The following RBFOX1 variants were observed in gnomAD, a reference collection of about 807,000 sequenced individuals.
RBFOX1 encodes the protein RNA binding fox-1 homolog 1.
A neutral mutation model predicts 57.7 loss-of-function variants in RBFOX1; 8 were observed. The ratio of observed to expected loss-of-function variants is 0.14; its 90% CI spans 0.08 to 0.25. The LOEUF (loss-of-function observed/expected upper bound fraction) is 0.25, where lower values mean the gene tolerates loss of function less well. Ranked by LOEUF, RBFOX1 falls within the 10% of genes least tolerant of loss-of-function variation. RBFOX1 has a pLI of 1.00. For missense variants in RBFOX1, 611 were observed against 548.5 expected, an observed-to-expected ratio of 1.11 and a Z score of -1.14; for synonymous variants, 326 against 222.4, an observed-to-expected ratio of 1.47 and a Z score of -4.15.
chr16:5,925,849 C>G (rs952106137), intron 4 of RBFOX1, among the ~76,000 whole-genome samples: 1 of 152,154 alleles, frequency 6.6e-6, no homozygotes. Context: ...TACCTGGGCC[C>G]CTCTCAGCAC....
chr16:6,242,725 T>C (rs1284811365), intron 1 of RBFOX1, among the ~76,000 whole-genome samples: 1 of 152,016 alleles, frequency 6.6e-6, no homozygotes, highest in Non-Finnish European at 1.5e-5. Context: ...CATCTTTTTA[T>C]AGCCTGTGAA....
At chr16:7,632,791 T>A (rs1009209379) in intron 11 of RBFOX1, among the ~76,000 whole-genome samples, 1 of 152,224 alleles carries the variant, frequency 6.6e-6, no homozygotes, top group African/African-American at 2.4e-5. Flanking sequence ...TTTTATGTTA[T>A]ATTAATTAGC....
chr16:6,363,787 A>C (rs927365155), intron 2 of RBFOX1, among the ~76,000 whole-genome samples: 1 of 152,242 alleles, frequency 6.6e-6, no homozygotes, highest in East Asian at 1.9e-4. Flanking sequence ...AATTGTGTCC[A>C]TGTAAAATCA....
chr16:6,964,252 C>G (rs534400878), intron 3 of RBFOX1, among the ~76,000 whole-genome samples: 3 of 151,032 alleles, frequency 2.0e-5, no homozygotes, highest in East Asian at 2.0e-4. Flanking sequence ...CTGCTGATCT[C>G]AAGTGATGCA....
chr16:6,456,607 C>G (rs933669912), intron 2 of RBFOX1, among the ~76,000 whole-genome samples: 1 of 152,148 alleles, frequency 6.6e-6, no homozygotes, highest in African/African-American at 2.4e-5. Flanking sequence ...AGAAAGATAA[C>G]TCTCCCTGCA....
intron 4 of RBFOX1, among the ~76,000 whole-genome samples, chr16:5,932,117 G>T (rs988170522): frequency 1.3e-5 from 2 of 152,212 alleles, no homozygotes; most frequent in African/African-American, 4.8e-5. Flanking sequence ...GTATGGCATA[G>T]TTGGTCCTAA....
intron 1 of RBFOX1, among the ~76,000 whole-genome samples, chr16:5,309,858 C>G (rs574638199): frequency 9.1e-4 from 138 of 152,296 alleles, no homozygotes; most frequent in African/African-American, 3.1e-3. Context: ...GTTTCCCTGC[C>G]TGGCATTTTT....
chr16:5,788,812 C>T (rs1597257933), intron 3 of RBFOX1, among the ~76,000 whole-genome samples: 1 of 152,036 alleles, frequency 6.6e-6, no homozygotes. Context: ...CTACCCACCT[C>T]CCAAGTTATT....
At chr16:5,310,714 G>T (rs1596479328) in intron 1 of RBFOX1, among the ~76,000 whole-genome samples, 1 of 152,172 alleles carries the variant, frequency 6.6e-6, no homozygotes, top group African/African-American at 2.4e-5. Flanking sequence ...CTAGACCTGA[G>T]AAATTAATTT....
chr16:5,375,760 G>T (rs954722393), intron 1 of RBFOX1, among the ~76,000 whole-genome samples: 1 of 152,228 alleles, frequency 6.6e-6, no homozygotes, highest in African/African-American at 2.4e-5. Context: ...TGGCCTGCCA[G>T]CTGCAGTGCG....
At chr16:5,601,420 G>A (rs919724980), downstream of RBFOX1, 2 of 152,366 alleles carry the variant, frequency 1.3e-5, no homozygotes, top group African/African-American at 4.8e-5. Flanking sequence ...GGGAGGATGG[G>A]AGTGAATTCC....
chr16:5,799,918 T>A (rs1041846806), intron 3 of RBFOX1, among the ~76,000 whole-genome samples: 3 of 152,196 alleles, frequency 2.0e-5, no homozygotes, highest in Non-Finnish European at 4.4e-5. Flanking sequence ...AATGTTGCTA[T>A]ATATGGGTGT....
intron 2 of RBFOX1, among the ~76,000 whole-genome samples, chr16:5,484,017 A>G (rs931200107): frequency 1.3e-5 from 2 of 152,122 alleles, no homozygotes; most frequent in African/African-American, 4.8e-5. Flanking sequence ...CAAAAATAAA[A>G]ATAAACAGCT....
chr16:6,597,254 T>C (rs769429006), intron 2 of RBFOX1, among the ~76,000 whole-genome samples: 1 of 152,202 alleles, frequency 6.6e-6, no homozygotes, highest in Non-Finnish European at 1.5e-5. Flanking sequence ...CGTATTCACC[T>C]AGACTTTGTT....
At chr16:6,239,645 C>T (rs974578823) in intron 1 of RBFOX1, among the ~76,000 whole-genome samples, 1 of 151,660 alleles carries the variant, frequency 6.6e-6, no homozygotes, top group Admixed American at 6.6e-5. Flanking sequence ...CTACAGGCAC[C>T]CACCACCATG....
At chr16:5,269,417 A>T (rs1381679532) in intron 1 of RBFOX1, among the ~76,000 whole-genome samples, 2 of 152,282 alleles carry the variant, frequency 1.3e-5, no homozygotes, top group Admixed American at 1.3e-4. Context: ...AAACTTGTAC[A>T]TGAATAATTA....
At chr16:7,536,801 G>A (rs748756175) in intron 5 of RBFOX1, among the ~76,000 whole-genome samples, 11 of 152,164 alleles carry the variant, frequency 7.2e-5, no homozygotes, top group Non-Finnish European at 1.0e-4. Context: ...CAGGGTGAGA[G>A]TATTTACACT....
At chr16:7,361,959 ATGTT>A (rs1185360875) in intron 4 of RBFOX1, among the ~76,000 whole-genome samples, 16 of 143,844 alleles carry the variant, frequency 1.1e-4, no homozygotes, top group African/African-American at 3.1e-4. Context: ...TTTTGTGTGT[ATGTT>A]TGTGTGTATG....
chr16:7,347,961 G>C (rs13329767), intron 4 of RBFOX1, among the ~76,000 whole-genome samples: 59,951 of 152,062 alleles, frequency 0.39, 14,796 homozygotes, highest in African/African-American at 0.71. Flanking sequence ...ATGCAGAGCT[G>C]TCTGTTTGTA....
Sources: allele counts gnomAD v4.1 joint callset (sites outside exome capture counted in the v4.1 genomes callset), GRCh38; gene constraint gnomAD v4.1.1; transcripts MANE v1.5; gene names NCBI Gene and HGNC (gene_info 2026-07-23, HGNC 2026-07-21).